The following PTPRT variants were observed in gnomAD, a reference collection of about 807,000 sequenced individuals.
PTPRT encodes the protein protein tyrosine phosphatase receptor type T.
In PTPRT, 56 loss-of-function variants were observed where a neutral mutation model predicts 176.8. The observed-to-expected ratio is 0.32, with a 90% confidence interval of 0.26 to 0.40. The LOEUF is 0.40. Ranked by LOEUF, PTPRT falls within the 10% of genes least tolerant of loss-of-function variation. PTPRT has a pLI of 1.00. For synonymous variants in PTPRT, 783 were observed against 739.0 expected (o/e 1.06, Z -0.96); for missense variants, 1,540 against 1,908.2 (o/e 0.81, Z 3.60).
chr20:42,433,468 G>A (rs568635371), intron 9 of PTPRT, among the ~76,000 whole-genome samples: 1 of 152,236 alleles, frequency 6.6e-6, no homozygotes, highest in Non-Finnish European at 1.5e-5. Flanking sequence ...ATGACCAGCT[G>A]CAGTGCTGTG....
At chr20:43,029,795 C>T (rs1197230576) in intron 1 of PTPRT, among the ~76,000 whole-genome samples, 1 of 152,172 alleles carries the variant, frequency 6.6e-6, no homozygotes, top group Admixed American at 6.5e-5. Flanking sequence ...ACGTAATTTG[C>T]TTTGGTCCAT....
intron 9 of PTPRT, among the ~76,000 whole-genome samples, chr20:42,444,420 GACTGA>G (rs2059345426): frequency 6.6e-6 from 1 of 152,160 alleles, no homozygotes; most frequent in Non-Finnish European, 1.5e-5. Context: ...AGAAACAGAG[GACTGA>G]AGACTGGAGA....
chr20:43,121,894 G>C (rs2013275021), intron 1 of PTPRT, among the ~76,000 whole-genome samples: 1 of 152,134 alleles, frequency 6.6e-6, no homozygotes, highest in African/African-American at 2.4e-5. Context: ...CTCACATAAA[G>C]TGTTCTATGA....
rs986440895 is a variant in PTPRT, at chr20:42,074,951, C to G, written c.*5928G>C. On this transcript the variant is annotated 3_prime_UTR_variant, in exon 31 of 31. Coordinates refer to ENST00000373187, the MANE Select transcript of PTPRT (RefSeq NM_007050.6). ...TCTGCTGTGCTTCGGAGGATCAGAT[C>G]CATGATCCTGAAAAATGTGTCAGAA... is the stretch of plus-strand genomic sequence containing the variant. The G allele has an allele frequency of 2.5e-5, 10 of 396,954 alleles. No homozygotes were observed. In the East Asian group the frequency reaches 3.6e-4, roughly 14 times the overall value. The allele number at this position is 396,954 out of a possible 1,614,324, so 24.6% of individuals were successfully genotyped here.
intron 1 of PTPRT, among the ~76,000 whole-genome samples, chr20:43,156,459 T>C (rs2014526206): frequency 6.6e-6 from 1 of 152,204 alleles, no homozygotes; most frequent in Admixed American, 6.5e-5. Flanking sequence ...GATGGACAGA[T>C]GCCTGGATGG....
At chr20:42,469,113 A>G (rs1258066955) in intron 8 of PTPRT, among the ~76,000 whole-genome samples, 2 of 151,998 alleles carry the variant, frequency 1.3e-5, no homozygotes, top group Non-Finnish European at 2.9e-5. Flanking sequence ...CACCACAAAT[A>G]TAGTACCTTA....
chr20:42,701,993 G>A (rs557253031), intron 6 of PTPRT, among the ~76,000 whole-genome samples: 23 of 152,056 alleles, frequency 1.5e-4, no homozygotes, highest in Non-Finnish European at 2.9e-4. Context: ...GTGCAGCCCC[G>A]CGTCACCGAG....
At position 42,363,679 on chromosome 20, in the gene PTPRT, G is replaced by A. The variant is rs186420325; in HGVS notation, c.1561-11394C>T. ...CACTAGTTGCCAGGTGCCTTGCCAA[G>A]CACTTTCCACACATTACTCGTTTAA... On this transcript the variant is annotated intron_variant, in intron 9 of 30. Coordinates refer to ENST00000373187, the MANE Select transcript of PTPRT (RefSeq NM_007050.6). Among the ~76,000 whole-genome samples, 32 of 152,170 alleles carry A rather than the reference G, an allele frequency of 2.1e-4. No homozygotes were observed. In the East Asian group the frequency reaches 5.6e-3, roughly 27 times the overall value.
intron 1 of PTPRT, among the ~76,000 whole-genome samples, chr20:42,949,505 G>C (rs147006844): frequency 6.6e-6 from 1 of 152,204 alleles, no homozygotes; most frequent in East Asian, 1.9e-4. Context: ...GGATATTCCA[G>C]TTCTAGCAAA....
chr20:42,982,682 T>C (rs965352), intron 1 of PTPRT, among the ~76,000 whole-genome samples: 129,207 of 152,084 alleles, frequency 0.85, 55,290 homozygotes, highest in African/African-American at 0.96. Flanking sequence ...GCCAGCTCCG[T>C]CCACTCGGCT....
chr20:42,937,790 CT>C (rs1224294981), intron 1 of PTPRT, among the ~76,000 whole-genome samples: 23 of 152,316 alleles, frequency 1.5e-4, no homozygotes, highest in African/African-American at 5.5e-4. Context: ...TGAAGATTAA[CT>C]GCGAAGTATC....
the PTPRT span, among the ~76,000 whole-genome samples, chr20:42,046,211 G>A: frequency 1.3e-5 from 2 of 152,152 alleles, no homozygotes; most frequent in South Asian, 2.1e-4. Context: ...TCTGTACCCC[G>A]AGCCTGCAAG....
At chr20:42,294,749 C>T (rs989074971) in intron 12 of PTPRT, among the ~76,000 whole-genome samples, 4 of 151,776 alleles carry the variant, frequency 2.6e-5, no homozygotes, top group Non-Finnish European at 4.4e-5. Flanking sequence ...CTTTGACTTA[C>T]AGAAGCACAA....
intron 7 of PTPRT, among the ~76,000 whole-genome samples, chr20:42,555,738 G>A (rs1228339605): frequency 6.6e-6 from 1 of 152,102 alleles, no homozygotes; most frequent in African/African-American, 2.4e-5. Context: ...AACATCTAAA[G>A]GAATGTACCT....
chr20:42,729,966 G>A (rs557766396), intron 6 of PTPRT, among the ~76,000 whole-genome samples: 10 of 152,120 alleles, frequency 6.6e-5, no homozygotes, highest in East Asian at 1.9e-4. Flanking sequence ...CATATGCCAC[G>A]CACTGTGCTA....
intron 16 of PTPRT, among the ~76,000 whole-genome samples, chr20:42,196,963 AGTAC>A (rs1316959507): frequency 2.0e-5 from 3 of 152,246 alleles, no homozygotes; most frequent in Non-Finnish European, 4.4e-5. Context: ...TGTAAAGGGA[AGTAC>A]GTCATATCAG....
At chr20:42,282,402 G>T in intron 13 of PTPRT, 87 bp downstream of exon 13, 1 of 1,336,524 alleles carries the variant, frequency 7.5e-7, no homozygotes, top group South Asian at 1.3e-5. Flanking sequence ...TTGAGTTACT[G>T]TTGCCTAATC....
intron 1 of PTPRT, among the ~76,000 whole-genome samples, chr20:43,062,630 C>A: frequency 6.6e-6 from 1 of 152,142 alleles, no homozygotes; most frequent in East Asian, 1.9e-4. Context: ...GAAGAATAAT[C>A]AAGAATGAAT....
At chr20:42,428,315 C>T (rs2059184972) in intron 9 of PTPRT, among the ~76,000 whole-genome samples, 1 of 152,162 alleles carries the variant, frequency 6.6e-6, no homozygotes, top group Non-Finnish European at 1.5e-5. Flanking sequence ...ATCCTGGTGG[C>T]CCAGGTTAGG....
Sources: gnomAD v4.1 joint callset for allele counts (sites outside exome capture counted in the v4.1 genomes callset) on GRCh38, gnomAD v4.1.1 for gene constraint, MANE v1.5 for transcripts, NCBI Gene and HGNC (gene_info 2026-07-23, HGNC 2026-07-21) for gene names.